MRC2: variants seen among roughly 807,000 people sequenced by gnomAD.
MRC2 encodes the protein mannose receptor C-type 2.
Under a neutral mutation model 206.2 loss-of-function variants are expected in MRC2, and 84 were observed. That is an observed-to-expected ratio of 0.41 (90% confidence interval 0.34 to 0.49). The LOEUF (loss-of-function observed/expected upper bound fraction) is 0.49. Ranked by LOEUF, MRC2 falls within the 20% of genes least tolerant of loss-of-function variation. MRC2 has a pLI of 0.31. For missense variants in MRC2, 1,676 were observed against 2,001.5 expected (o/e 0.84, Z 3.10); for synonymous variants, 798 against 800.0 (o/e 1.00, Z 0.04).
intron 26 of MRC2, among the ~76,000 whole-genome samples, 155 bp from the exon 27 acceptor site, chr17:62,690,487 C>G (rs887291593): frequency 2.6e-5 from 4 of 152,090 alleles, no homozygotes; most frequent in Admixed American, 2.6e-4. Context: ...GCTGCCCCCC[C>G]ACACACTTGC....
intron 20 of MRC2, 101 bp from the exon 21 acceptor site, chr17:62,688,188 A>G: frequency 3.1e-6 from 3 of 968,714 alleles, no homozygotes; most frequent in South Asian, 3.0e-5. Context: ...CGGCCCTCAA[A>G]GGCCCCCCAG....
At chr17:62,678,457 G>T in intron 12 of MRC2, 47 bp from the exon 13 acceptor site, 1 of 1,591,862 alleles carries the variant, frequency 6.3e-7, no homozygotes, top group South Asian at 1.1e-5. Context: ...CCCCCTGAGG[G>T]GTGGGCCAGT....
intron 1 of MRC2, among the ~76,000 whole-genome samples, chr17:62,642,392 C>G (rs979008060): frequency 2.0e-5 from 3 of 152,188 alleles, no homozygotes; most frequent in South Asian, 2.1e-4. Context: ...TGTTCCCTTA[C>G]GCTAACTTTG....
At chr17:62,641,277 T>C (rs1355045437) in intron 1 of MRC2, among the ~76,000 whole-genome samples, 2 of 146,352 alleles carry the variant, frequency 1.4e-5, no homozygotes, top group Admixed American at 1.4e-4. Context: ...GATGGCGCCA[T>C]TGCACTCCAG....
chr17:62,686,346 G>A (rs1347104302), intron 20 of MRC2, among the ~76,000 whole-genome samples: 3 of 152,112 alleles, frequency 2.0e-5, no homozygotes, highest in East Asian at 1.9e-4. Context: ...CCAGCTACTC[G>A]GGAGGCTGAG....
chr17:62,633,840 C>CAAAAAAAAAAAAAAAAAAAAAAA (rs571793821), intron 1 of MRC2, among the ~76,000 whole-genome samples: 1 of 33,892 alleles, frequency 3.0e-5, no homozygotes, highest in Non-Finnish European at 5.1e-5. Flanking sequence ...GACCCTGTCT[C>CAAAAAAAAAAAAAAAAAAAAAAA]AAAAAAAAAA....
rs2088981098 is a variant in MRC2, at chr17:62,682,497, C to T, written c.2946+120C>T. Reference sequence around the variant, plus strand: ...CAAACTCATGGCCTCTTGCCTGTACCCACCAACTTCTCTTTCACCTGGCTC... The same window carrying T: ...CAAACTCATGGCCTCTTGCCTGTACTCACCAACTTCTCTTTCACCTGGCTC... On this transcript the variant is annotated intron_variant, in intron 20 of 29. Coordinates refer to ENST00000303375, the MANE Select transcript of MRC2 (RefSeq NM_006039.5). 8 of 1,181,196 alleles carry T rather than the reference C, an allele frequency of 6.8e-6. No homozygotes were observed. The South Asian group carries it at 1.6e-4, about 24-fold the overall frequency. 73.2% of individuals were successfully genotyped at this position (1,181,196 alleles called of 1,614,324 possible).
chr17:62,667,586 A>T lies in MRC2; in HGVS notation c.1117+53A>T. The T allele has an allele frequency of 6.5e-7, 1 of 1,547,640 alleles. No individual in the cohort carries two copies. The highest frequency in any genetic ancestry group is 1.2e-5 in the South Asian group (1 of 82,582). On this transcript the variant is annotated intron_variant, in intron 6 of 29. Transcript: ENST00000303375. The surrounding 1 kb of genome is among the most constrained non-coding windows in gnomAD (Gnocchi z 4.1). ...GGGAGGGGCTCCCAGGGCCAGGGAC[A>T]CAGCCACAGAGCCGTGGCAGGCCCA...
chr17:62,674,874 C>G (rs948854754), intron 9 of MRC2, among the ~76,000 whole-genome samples: 1 of 152,226 alleles, frequency 6.6e-6, no homozygotes, highest in East Asian at 1.9e-4. Flanking sequence ...TTGGCCCCCC[C>G]CAGCAGCCCC....
intron 1 of MRC2, among the ~76,000 whole-genome samples, chr17:62,654,229 T>C (rs921743712): frequency 1.3e-5 from 2 of 151,942 alleles, no homozygotes; most frequent in Non-Finnish European, 2.9e-5. Context: ...CTGAGTCCCC[T>C]CCAGGGCTGG....
At chr17:62,665,522 A>T (rs1282196028) in intron 2 of MRC2, among the ~76,000 whole-genome samples, 1 of 152,208 alleles carries the variant, frequency 6.6e-6, no homozygotes. Flanking sequence ...AATAGTATAC[A>T]AGTATATAAC....
intron 1 of MRC2, among the ~76,000 whole-genome samples, chr17:62,642,136 T>TA (rs2088413185): frequency 6.6e-6 from 1 of 152,222 alleles, no homozygotes; most frequent in Non-Finnish European, 1.5e-5. Flanking sequence ...ATAGCTGTTT[T>TA]AAAATTCAGA....
chr17:62,639,041 G>A (rs1314324013), intron 1 of MRC2, among the ~76,000 whole-genome samples: 1 of 152,152 alleles, frequency 6.6e-6, no homozygotes, highest in African/African-American at 2.4e-5. Context: ...CACATAGAAA[G>A]TGCAAGGATT....
Position 62,692,390 on chromosome 17 carries a change from C to A in MRC2, c.4379C>A (p.Thr1460Asn). 1 of 1,575,408 alleles carries A rather than the reference C, an allele frequency of 6.3e-7. No homozygotes were observed. The highest frequency in any genetic ancestry group is 8.6e-7 in the Non-Finnish European group (1 of 1,160,290). ...ARYSRSSSSP[T>N]EATEKNILVS... ...TACAGCCGCAGCAGCTCCAGCCCCA[C>A]CGAGGCCACTGAGAAGAACATCCTG... The change falls in exon 30 of 30, where the codon ACC (threonine) becomes AAC (asparagine). Residue 1460 changes from threonine (T) to asparagine (N), a missense_variant. By Grantham distance (65) the Thr-to-Asn change is moderately conservative (BLOSUM62 0). Coordinates refer to ENST00000303375, the MANE Select transcript of MRC2 (RefSeq NM_006039.5). The surrounding 1 kb of genome is among the most constrained non-coding windows in gnomAD (Gnocchi z 4.2).
intron 1 of MRC2, among the ~76,000 whole-genome samples, chr17:62,656,217 T>G (rs897383834): frequency 6.6e-6 from 1 of 152,128 alleles, no homozygotes; most frequent in Non-Finnish European, 1.5e-5. Context: ...CCGCTAATTT[T>G]TGTACTTTTA....
At chr17:62,644,739 C>G (rs2088454307) in intron 1 of MRC2, among the ~76,000 whole-genome samples, 1 of 152,062 alleles carries the variant, frequency 6.6e-6, no homozygotes, top group South Asian at 2.1e-4. Flanking sequence ...TGTTTTTCAG[C>G]ACAGCCCGCA....
At position 62,627,739 on chromosome 17, in the gene MRC2, C is replaced by T; in HGVS notation, c.-64C>T. 2.4e-6 allele frequency: 3 copies of T among 1,263,088 alleles called. No homozygotes were observed. Among genetic ancestry groups the T allele is most frequent in the East Asian group, 3.1e-5 (1 of 32,290 alleles). 78.2% of individuals were successfully genotyped at this position (1,263,088 alleles called of 1,614,324 possible). On this transcript the variant is annotated 5_prime_UTR_variant, in exon 1 of 30. Coordinates refer to ENST00000303375, the MANE Select transcript of MRC2 (RefSeq NM_006039.5). Reference sequence around the variant, plus strand: ...CGGTCATCACAGCCCAGCCTCGGGGCTGCCACAGCGCGTTGCGCCTGTGCG... The same window carrying T: ...CGGTCATCACAGCCCAGCCTCGGGGTTGCCACAGCGCGTTGCGCCTGTGCG...
At chr17:62,670,504 C>T (rs1316813213) in intron 6 of MRC2, among the ~76,000 whole-genome samples, 1 of 152,254 alleles carries the variant, frequency 6.6e-6, no homozygotes, top group Non-Finnish European at 1.5e-5. Flanking sequence ...CGCGCAGTTT[C>T]CTGCCCGACT....
chr17:62,629,142 C>T (rs187341451), intron 1 of MRC2, among the ~76,000 whole-genome samples: 24 of 152,362 alleles, frequency 1.6e-4, no homozygotes, highest in African/African-American at 5.5e-4. Flanking sequence ...GGCCGGGTAA[C>T]CCCCTAACCC....
Sources: gnomAD v4.1 joint callset for allele counts (sites outside exome capture counted in the v4.1 genomes callset) on GRCh38, gnomAD v4.1.1 for gene constraint, Gnocchi (gnomAD v3.1) non-coding constraint, MANE v1.5 for transcripts, NCBI Gene and HGNC (gene_info 2026-07-23, HGNC 2026-07-21) for gene names.